Variants in CBL observed in about 807,000 individuals in gnomAD.
CBL encodes E3 ubiquitin-protein ligase CBL.
CBL carries 45 observed loss-of-function variants against 96.9 expected under a neutral mutation model. The ratio of observed to expected loss-of-function variants is 0.46; its 90% CI spans 0.37 to 0.60. The LOEUF (loss-of-function observed/expected upper bound fraction) is 0.60, where lower values mean the gene tolerates loss of function less well. CBL is among the 20% of genes least tolerant of loss of function. The pLI is 0.00. For missense variants in CBL, 1,024 were observed against 1,143.5 expected, an observed-to-expected ratio of 0.90 and a Z score of 1.51; for synonymous variants, 420 against 426.8, an observed-to-expected ratio of 0.98 and a Z score of 0.20.
chr11:119,306,547 C>T lies in CBL; in HGVS notation c.*6766C>T, dbSNP rs1950143154. On this transcript the variant is annotated 3_prime_UTR_variant, in exon 16 of 16. Coordinates refer to ENST00000264033, the MANE Select transcript of CBL (RefSeq NM_005188.4). ...GCCCTGAAGCAGGGTGTCCTGGGTG[C>T]CTGTGTGTCAGCTCCCTCCTCTCTA... 2.5e-6 allele frequency: 1 copy of T among 395,260 alleles called. No homozygotes were observed. Among genetic ancestry groups the T allele is most frequent in the South Asian group, 1.4e-4 (1 of 6,992 alleles). The allele number at this position is 395,260 out of a possible 1,614,324, so 24.5% of individuals were successfully genotyped here. A position where few individuals can be genotyped will look rare whatever the true frequency, so the allele number is the denominator to read the frequency against.
At chr11:119,225,165 C>T (rs575703182) in intron 1 of CBL, among the ~76,000 whole-genome samples, 5 of 150,982 alleles carry the variant, frequency 3.3e-5, no homozygotes, top group East Asian at 2.0e-4. Context: ...GGCGTGATCT[C>T]GGCTCACTGC....
chr11:119,208,209 TGTTA>T (rs1449882190), intron 1 of CBL, among the ~76,000 whole-genome samples: 2 of 152,154 alleles, frequency 1.3e-5, no homozygotes, highest in Non-Finnish European at 2.9e-5. Flanking sequence ...TGCTAAAGTT[TGTTA>T]GTTTGCTTTT....
At chr11:119,297,949 T>C (rs1039365530) in intron 14 of CBL, among the ~76,000 whole-genome samples, 4 of 152,150 alleles carry the variant, frequency 2.6e-5, no homozygotes, top group African/African-American at 9.7e-5. Context: ...ATGAAATTCT[T>C]TTATGTGGGG....
chr11:119,269,215 C>T (rs1157241857), intron 2 of CBL, among the ~76,000 whole-genome samples: 6 of 147,880 alleles, frequency 4.1e-5, no homozygotes, highest in Admixed American at 4.0e-4. Flanking sequence ...AGGAAAAAAA[C>T]AGTTAATGGA....
At chr11:119,209,662 T>C (rs1949301421) in intron 1 of CBL, among the ~76,000 whole-genome samples, 1 of 152,204 alleles carries the variant, frequency 6.6e-6, no homozygotes, top group African/African-American at 2.4e-5. Context: ...GACACACATT[T>C]AGTTCTAAGT....
At chr11:119,290,651 C>T (rs1196152651) in intron 12 of CBL, among the ~76,000 whole-genome samples, 2 of 146,882 alleles carry the variant, frequency 1.4e-5, no homozygotes, top group Non-Finnish European at 1.5e-5. Context: ...TCACTGAATA[C>T]AGCATCTATT....
In CBL at chr11:119,296,984, G is replaced by T; in HGVS notation, c.2103G>T (p.Met701Ile). The change falls in exon 13 of 16, where the codon ATG becomes ATT. Residue 701 changes from methionine to isoleucine, a missense_variant. By Grantham distance (10) the Met-to-Ile change is conservative. Coordinates refer to ENST00000264033, the MANE Select transcript of CBL (RefSeq NM_005188.4). The stretch of plus-strand genomic sequence containing the variant: ...AGGGTGAAGAGGACACAGAGTACAT[G>T]ACTCCCTCTTCCAGGCCTCTACGGC... Reference protein sequence around the residue: ...QCEGEEDTEYMTPSSRPLRPL... With the variant: ...QCEGEEDTEYITPSSRPLRPL... 1 of 1,612,628 alleles carries T rather than the reference G, an allele frequency of 6.2e-7. No homozygotes were observed. Among genetic ancestry groups the T allele is most frequent in the Non-Finnish European group, 8.5e-7 (1 of 1,178,604 alleles).
intron 1 of CBL, among the ~76,000 whole-genome samples, chr11:119,230,680 T>C (rs1392631478): frequency 6.6e-6 from 1 of 152,214 alleles, no homozygotes; most frequent in Non-Finnish European, 1.5e-5. Context: ...CTCATATGGA[T>C]AACAAAGTTT....
At chr11:119,217,510 G>T (rs1208644222) in intron 1 of CBL, among the ~76,000 whole-genome samples, 2 of 152,146 alleles carry the variant, frequency 1.3e-5, no homozygotes, top group East Asian at 3.8e-4. Context: ...CATGAATTCA[G>T]ATCAATTCAG....
rs1486982145 is a variant in CBL at position 119,299,918 on chromosome 11, G to A, written c.*137G>A. The A allele has an allele frequency of 4.7e-6, 4 of 844,860 alleles. No individual in the cohort carries two copies. In the South Asian group the frequency reaches 5.5e-5, roughly 12 times the overall value. The allele number at this position is 844,860 out of a possible 1,614,324, so 52.3% of individuals were successfully genotyped here. A position where few individuals can be genotyped will look rare whatever the true frequency, so the allele number is the denominator to read the frequency against. On this transcript the variant is annotated 3_prime_UTR_variant, in exon 16 of 16. Coordinates refer to ENST00000264033, the MANE Select transcript of CBL (RefSeq NM_005188.4). ...CTCTCTGTGGGATATCACATCAGTG[G>A]TTCCAAGATTTCAAAGTGGTGAAAT...
rs1335478752 is a variant in CBL at position 119,307,645 on chromosome 11, T to G, written c.*7864T>G. The G allele has an allele frequency of 4.4e-6, 1 of 228,782 alleles. No homozygotes were observed. The highest frequency in any genetic ancestry group is 2.2e-5 in the African/African-American group (1 of 45,084). The allele number at this position is 228,782 out of a possible 1,614,324, so 14.2% of individuals were successfully genotyped here. On this transcript the variant is annotated 3_prime_UTR_variant, in exon 16 of 16. Transcript: ENST00000264033. ...ATGACATCTTACTTATCTTTTACCC[T>G]TTCCTCAGTTTTCCCCTGCCTTTAA...
chr11:119,250,170 T>C (rs1196148645), intron 2 of CBL, among the ~76,000 whole-genome samples: 1 of 152,212 alleles, frequency 6.6e-6, no homozygotes, highest in Non-Finnish European at 1.5e-5. Context: ...CTATGTTACA[T>C]GGAATAGTTT....
rs200999333 is a variant in CBL, at chr11:119,278,323, T to C, written c.1227+26T>C. Reference sequence around the variant, plus strand: ...GTACGGATCTAAACAGCGACTTTTTTCAGCTATGTAATAACCTTGGAAAAT... The same window carrying C: ...GTACGGATCTAAACAGCGACTTTTTCCAGCTATGTAATAACCTTGGAAAAT... On this transcript the variant is annotated intron_variant, in intron 8 of 15. Transcript: ENST00000264033. The C allele has an allele frequency of 1.4e-3, 2,221 of 1,613,696 alleles. 1 individual carries two copies. Among genetic ancestry groups the C allele is most frequent in the Non-Finnish European group, 1.7e-3 (1,947 of 1,179,576 alleles).
intron 1 of CBL, among the ~76,000 whole-genome samples, chr11:119,215,428 A>ATTTTT (rs542002208): frequency 7.5e-6 from 1 of 133,718 alleles, no homozygotes. Context: ...AAACAGCCTA[A>ATTTTT]ATTTTTTTTT....
intron 1 of CBL, among the ~76,000 whole-genome samples, chr11:119,207,619 TGTA>T (rs1243049593): frequency 6.6e-6 from 1 of 152,242 alleles, no homozygotes; most frequent in Non-Finnish European, 1.5e-5. Flanking sequence ...TATGATGAAA[TGTA>T]GTCAGTCTCA....
intron 2 of CBL, among the ~76,000 whole-genome samples, chr11:119,261,548 C>T (rs185623637): frequency 4.5e-4 from 68 of 152,136 alleles, no homozygotes; most frequent in African/African-American, 1.5e-3. Flanking sequence ...TGGTGGTTGT[C>T]ATTTGTTGAG....
intron 2 of CBL, among the ~76,000 whole-genome samples, chr11:119,269,207 G>GA (rs1362635796): frequency 2.0e-5 from 3 of 148,418 alleles, no homozygotes; most frequent in Admixed American, 6.7e-5. Flanking sequence ...AAGGTGCTAG[G>GA]AAAAAAACAG....
At chr11:119,215,749 C>G (rs1408780195) in intron 1 of CBL, among the ~76,000 whole-genome samples, 1 of 151,720 alleles carries the variant, frequency 6.6e-6, no homozygotes, top group Non-Finnish European at 1.5e-5. Context: ...ATTGCTTGAA[C>G]TTGGGAGATA....
At chr11:119,259,694 A>G (rs889225120) in intron 2 of CBL, among the ~76,000 whole-genome samples, 2 of 152,184 alleles carry the variant, frequency 1.3e-5, no homozygotes, top group Admixed American at 1.3e-4. Context: ...TCAAGCTTAT[A>G]TAAAAGATAC....
Sources: allele counts gnomAD v4.1 joint callset (sites outside exome capture counted in the v4.1 genomes callset), GRCh38; gene constraint gnomAD v4.1.1; transcripts MANE v1.5; gene names NCBI Gene and HGNC (gene_info 2026-07-23, HGNC 2026-07-21).